The following PLPP3 variants were observed in gnomAD, a reference collection of about 807,000 sequenced individuals.
The protein encoded by PLPP3 is phospholipid phosphatase 3.
Under a neutral mutation model 29.6 loss-of-function variants are expected in PLPP3, and 6 were observed. The ratio of observed to expected loss-of-function variants is 0.20; its 90% CI spans 0.11 to 0.40. PLPP3 has a LOEUF of 0.40. Among genes scored for constraint, PLPP3 ranks in the 10% least tolerant of loss-of-function variants. The pLI is 1.00. For synonymous variants in PLPP3, 152 were observed against 159.7 expected, an observed-to-expected ratio of 0.95 and a Z score of 0.36; for missense variants, 308 against 407.7, an observed-to-expected ratio of 0.76 and a Z score of 2.11.
intron 1 of PLPP3, among the ~76,000 whole-genome samples, chr1:56,558,740 C>G (rs1156344943): frequency 2.0e-5 from 3 of 152,206 alleles, no homozygotes; most frequent in Admixed American, 2.0e-4. Context: ...GGGCCAGGAT[C>G]GGAACCCAGA....
rs534837578 is a variant in PLPP3, at chr1:56,579,465, GCCT to G, written c.-452_-450del. The G allele has an allele frequency of 2.5e-3, 439 of 177,266 alleles. No individual in the cohort carries two copies. Among genetic ancestry groups the G allele is most frequent in the South Asian group, 7.0e-3 (62 of 8,892 alleles). 11.0% of individuals were successfully genotyped at this position (177,266 alleles called of 1,614,324 possible). A position where few individuals can be genotyped will look rare whatever the true frequency, so the allele number is the denominator to read the frequency against. On this transcript the variant is annotated 5_prime_UTR_variant, in exon 1 of 6. Coordinates refer to ENST00000371250, the MANE Select transcript of PLPP3 (RefSeq NM_003713.5). ...GAGCGCCAGCCCCAACTCTAACTTT[GCCT>G]CCTCCTCCTCCTCCTCCTCCGGCTC...
chr1:56,531,875 T>TTTC (rs1259328173), intron 2 of PLPP3, among the ~76,000 whole-genome samples: 1 of 152,040 alleles, frequency 6.6e-6, no homozygotes, highest in African/African-American at 2.4e-5. Context: ...AAGACATGAG[T>TTTC]TTCTGGTCCA....
At position 56,496,102 on chromosome 1, in the gene PLPP3, A is replaced by C. The variant is rs1645629484; in HGVS notation, c.*449T>G. On this transcript the variant is annotated 3_prime_UTR_variant, in exon 6 of 6. Transcript: ENST00000371250. ...CTGAACTAAAGTCACAGTACAGAAT[A>C]GAATGGGATGGACAGAAAGACTCAA... The C allele has an allele frequency of 6.2e-6, 1 of 162,388 alleles. No homozygotes were observed. The highest frequency in any genetic ancestry group is 1.4e-5 in the Non-Finnish European group (1 of 73,524). The allele number at this position is 162,388 out of a possible 1,614,324, so 10.1% of individuals were successfully genotyped here. A position where few individuals can be genotyped will look rare whatever the true frequency, so the allele number is the denominator to read the frequency against.
In PLPP3 at chr1:56,495,407, T is replaced by A; in HGVS notation, c.*1144A>T. On this transcript the variant is annotated 3_prime_UTR_variant, in exon 6 of 6. Transcript: ENST00000371250. ...ACTCTCTACCGAGATTTAACCCATATGTTCTGCCCAGCAGAACCTACCAAG... is the reference window on the plus strand; with the variant it reads ...ACTCTCTACCGAGATTTAACCCATAAGTTCTGCCCAGCAGAACCTACCAAG... The A allele has an allele frequency of 6.5e-6, 1 of 152,806 alleles. No individual in the cohort carries two copies. The highest frequency in any genetic ancestry group is 1.5e-5 in the Non-Finnish European group (1 of 68,054). The allele number at this position is 152,806 out of a possible 1,614,324, so 9.5% of individuals were successfully genotyped here.
In PLPP3 at chr1:56,512,132, G is replaced by C. The variant is rs751654402; in HGVS notation, c.654C>G (p.Phe218Leu). The C allele has an allele frequency of 6.2e-7, 1 of 1,605,508 alleles. No homozygotes were observed. The highest frequency in any genetic ancestry group is 8.5e-7 in the Non-Finnish European group (1 of 1,177,506). The change falls in exon 5 of 6, where the codon TTC becomes TTG. Residue 218 changes from phenylalanine (F) to leucine (L), a missense_variant. Phe to Leu is a conservative substitution (Grantham distance 22). Around this residue, in one of 3 missense-constraint regions of PLPP3, gnomAD observed 232 missense variants for 317.2 expected, o/e 0.73. Transcript: ENST00000371250. ...GGAGCAGGCGGGCTCCTCGCCAAGT[G>C]AAGCGGGCCTGCAGGTATAGCTGGA... ...LYLVLYLQAR[F>L]TWRGARLLRP...
chr1:56,569,218 G>T (rs1390593655), intron 1 of PLPP3, among the ~76,000 whole-genome samples: 1 of 151,250 alleles, frequency 6.6e-6, no homozygotes, highest in African/African-American at 2.4e-5. Context: ...ACTGTCACCC[G>T]GGCTGGAGTG....
intron 2 of PLPP3, 21 bp downstream of exon 2, chr1:56,536,934 T>C (rs779042090): frequency 1.9e-6 from 3 of 1,613,078 alleles, no homozygotes; most frequent in South Asian, 1.1e-5. Flanking sequence ...GGATCCACCA[T>C]AGCAGAGTCT....
At position 56,495,519 on chromosome 1, in the gene PLPP3, A is replaced by C. The variant is rs1286159387; in HGVS notation, c.*1032T>G. The C allele has an allele frequency of 6.5e-6, 1 of 152,728 alleles. No individual in the cohort carries two copies. The highest frequency in any genetic ancestry group is 6.5e-5 in the Admixed American group (1 of 15,288). The allele number at this position is 152,728 out of a possible 1,614,324, so 9.5% of individuals were successfully genotyped here. ...AAGACCCTCAGCTCTGTCATCCTGA[A>C]GGGTAACCTCTCATGCATGAGACTG... is the stretch of plus-strand genomic sequence containing the variant. On this transcript the variant is annotated 3_prime_UTR_variant, in exon 6 of 6. Transcript: ENST00000371250.
At chr1:56,556,966 GAAA>G (rs1374376107) in intron 1 of PLPP3, among the ~76,000 whole-genome samples, 224 of 3,526 alleles carry the variant, frequency 0.064, no homozygotes, top group Non-Finnish European at 0.12. Flanking sequence ...AAGAAAGAAA[GAAA>G]GAAAGAAAGA....
intron 1 of PLPP3, among the ~76,000 whole-genome samples, chr1:56,565,344 T>G (rs911222449): frequency 6.6e-6 from 1 of 151,300 alleles, no homozygotes; most frequent in African/African-American, 2.4e-5. Context: ...AGCTCGAGCC[T>G]AAGGTACAAA....
chr1:56,511,859 A>T, intron 5 of PLPP3, 117 bp downstream of exon 5: 1 of 1,283,210 alleles, frequency 7.8e-7, no homozygotes, highest in Non-Finnish European at 1.1e-6. Flanking sequence ...GTGACTCTTC[A>T]GACACCAAGC....
chr1:56,544,790 G>C (rs978392525), intron 1 of PLPP3, among the ~76,000 whole-genome samples: 3 of 152,180 alleles, frequency 2.0e-5, no homozygotes, highest in Admixed American at 1.3e-4. Flanking sequence ...CGAAACTCTT[G>C]AAAGTGGACA....
At chr1:56,500,169 A>G (rs1244073814) in intron 5 of PLPP3, among the ~76,000 whole-genome samples, 1 of 152,204 alleles carries the variant, frequency 6.6e-6, no homozygotes, top group Non-Finnish European at 1.5e-5. Flanking sequence ...TACTTATTGG[A>G]TTCCTGCTAT....
intron 4 of PLPP3, among the ~76,000 whole-genome samples, chr1:56,515,169 A>G (rs555489851): frequency 1.3e-5 from 2 of 152,372 alleles, no homozygotes; most frequent in East Asian, 3.9e-4. Flanking sequence ...CCACTCTCTT[A>G]GAGGCTGTGG....
intron 4 of PLPP3, among the ~76,000 whole-genome samples, chr1:56,521,165 G>A (rs1645816778): frequency 6.7e-6 from 1 of 149,294 alleles, no homozygotes; most frequent in African/African-American, 2.5e-5. Flanking sequence ...AGTCCAAGAG[G>A]CAGAGGTTGC....
At chr1:56,521,258 A>G (rs1007068376) in intron 4 of PLPP3, among the ~76,000 whole-genome samples, 29 of 58,394 alleles carry the variant, frequency 5.0e-4, no homozygotes, top group African/African-American at 8.6e-4. Context: ...AAAAAAAAAG[A>G]AGAAGAAGAA....
At chr1:56,509,717 T>A (rs149181632) in intron 5 of PLPP3, among the ~76,000 whole-genome samples, 10,893 of 150,208 alleles carry the variant, frequency 0.073, 465 homozygotes, top group Admixed American at 0.14. Context: ...TGGGTGCCTG[T>A]AATCCCAGCT....
At chr1:56,563,804 T>C (rs977181400) in intron 1 of PLPP3, among the ~76,000 whole-genome samples, 1 of 152,162 alleles carries the variant, frequency 6.6e-6, no homozygotes, top group Non-Finnish European at 1.5e-5. Flanking sequence ...GAAATCCAAG[T>C]GAGTTAATAA....
intron 1 of PLPP3, among the ~76,000 whole-genome samples, chr1:56,555,594 G>A (rs1290343653): frequency 6.6e-6 from 1 of 152,046 alleles, no homozygotes; most frequent in Non-Finnish European, 1.5e-5. Context: ...TTATTGGCAT[G>A]CCAGTTAGCC....
Sources: gnomAD v4.1 joint callset for allele counts (sites outside exome capture counted in the v4.1 genomes callset) on GRCh38, gnomAD v4.1.1 for gene constraint, gnomAD v4.1.1 regional missense constraint, MANE v1.5 for transcripts, NCBI Gene and HGNC (gene_info 2026-07-23, HGNC 2026-07-21) for gene names.